The following CAMKMT variants were observed in gnomAD, a reference collection of about 807,000 sequenced individuals.
CAMKMT encodes the protein calmodulin-lysine N-methyltransferase, also known as CaM KMT.
Under a neutral mutation model 48.0 loss-of-function variants are expected in CAMKMT, and 53 were observed. That is an observed-to-expected ratio of 1.10 (90% CI 0.89 to 1.39). CAMKMT has a LOEUF of 1.39. Ranked by LOEUF, CAMKMT falls within the 40% of genes most tolerant of loss-of-function variation. The pLI, the probability that CAMKMT is intolerant of heterozygous loss-of-function variation, is 0.00. For missense variants in CAMKMT, 428 were observed against 402.7 expected, an observed-to-expected ratio of 1.06 and a Z score of -0.54; for synonymous variants, 165 against 152.3, an observed-to-expected ratio of 1.08 and a Z score of -0.61.
chr2:44,674,893 A>AG (rs1380796769), intron 3 of CAMKMT, among the ~76,000 whole-genome samples: 1 of 151,964 alleles, frequency 6.6e-6, no homozygotes, highest in Non-Finnish European at 1.5e-5. Flanking sequence ...AGGAAAAAAA[A>AG]AACACACAAA....
intron 3 of CAMKMT, among the ~76,000 whole-genome samples, chr2:44,637,437 C>G (rs1282294504): frequency 1.3e-5 from 2 of 152,104 alleles, no homozygotes; most frequent in Admixed American, 6.5e-5. Context: ...TAAAGTCAGA[C>G]TTTTCCCCAA....
At chr2:44,600,210 C>T (rs1670901587) in intron 3 of CAMKMT, among the ~76,000 whole-genome samples, 1 of 151,930 alleles carries the variant, frequency 6.6e-6, no homozygotes, top group Non-Finnish European at 1.5e-5. Flanking sequence ...AAAAGAGATT[C>T]TCCTCAGCTT....
rs201540441 is a variant in CAMKMT, at chr2:44,469,800, A to G, written c.376+79495A>G. ...TTTAATTGTATCCTTTTCATCTTCT[A>G]TTACTTTTAAGGTATTATCAGTTAC... is the stretch of plus-strand genomic sequence containing the variant. On this transcript the variant is annotated intron_variant, in intron 3 of 10. Transcript: ENST00000378494. Among the ~76,000 whole-genome samples, 14 of 151,694 alleles carry G rather than the reference A, an allele frequency of 9.2e-5. No individual in the cohort carries two copies. In the South Asian group the frequency reaches 1.5e-3, roughly 16 times the overall value.
chr2:44,526,228 A>G (rs1558678371), intron 3 of CAMKMT, among the ~76,000 whole-genome samples: 1 of 152,216 alleles, frequency 6.6e-6, no homozygotes, highest in African/African-American at 2.4e-5. Flanking sequence ...ATTGAACATA[A>G]TCTGAATAAT....
intron 1 of CAMKMT, among the ~76,000 whole-genome samples, chr2:44,365,129 A>G (rs77838706): frequency 0.024 from 3,685 of 152,322 alleles, 61 homozygotes; most frequent in Non-Finnish European, 0.035. Context: ...CTGGAAAACT[A>G]TAAGGAATCT....
intron 3 of CAMKMT, among the ~76,000 whole-genome samples, chr2:44,592,759 A>G (rs576173688): frequency 6.6e-6 from 1 of 152,130 alleles, no homozygotes; most frequent in Non-Finnish European, 1.5e-5. Context: ...AGGATAAGGG[A>G]GGACTACTGT....
At chr2:44,768,004 C>G (rs1275114202) in intron 10 of CAMKMT, among the ~76,000 whole-genome samples, 3 of 152,192 alleles carry the variant, frequency 2.0e-5, no homozygotes, top group Admixed American at 6.5e-5. Flanking sequence ...TACCCTCCGT[C>G]TCCTCCCTGA....
chr2:44,580,793 C>G (rs757376861), intron 3 of CAMKMT, among the ~76,000 whole-genome samples: 3 of 152,122 alleles, frequency 2.0e-5, no homozygotes, highest in African/African-American at 4.8e-5. Context: ...AATTATCAAA[C>G]TTTTTGTCAT....
At chr2:44,380,073 C>G (rs541638586) in intron 2 of CAMKMT, among the ~76,000 whole-genome samples, 3 of 152,124 alleles carry the variant, frequency 2.0e-5, no homozygotes, top group South Asian at 4.1e-4. Flanking sequence ...TAGTTTCAAC[C>G]TCTTGGCATG....
chr2:44,470,994 C>CTTT (rs11362559), intron 3 of CAMKMT, among the ~76,000 whole-genome samples: 8 of 74,894 alleles, frequency 1.1e-4, no homozygotes, highest in Admixed American at 3.0e-4. Flanking sequence ...CTCTCTCTCT[C>CTTT]TTTTTTTTTT....
chr2:44,416,790 G>T (rs892966085), intron 3 of CAMKMT, among the ~76,000 whole-genome samples: 7 of 151,712 alleles, frequency 4.6e-5, no homozygotes, highest in Non-Finnish European at 8.8e-5. Context: ...GGCCAGGCTG[G>T]TCTCTAACTC....
At chr2:44,451,705 A>G (rs1256384435) in intron 3 of CAMKMT, among the ~76,000 whole-genome samples, 1 of 151,872 alleles carries the variant, frequency 6.6e-6, no homozygotes, top group Non-Finnish European at 1.5e-5. Context: ...TTTTAACAAA[A>G]CTTTCTATTT....
At chr2:44,453,024 G>A (rs1667374164) in intron 3 of CAMKMT, among the ~76,000 whole-genome samples, 1 of 152,010 alleles carries the variant, frequency 6.6e-6, no homozygotes, top group South Asian at 2.1e-4. Context: ...GATTTACTAT[G>A]CTAAAATATC....
intron 3 of CAMKMT, among the ~76,000 whole-genome samples, chr2:44,566,964 G>A (rs1247435210): frequency 6.6e-6 from 1 of 152,180 alleles, no homozygotes; most frequent in South Asian, 2.1e-4. Context: ...AACAGTCGTA[G>A]TAGTAGTAGC....
intron 3 of CAMKMT, among the ~76,000 whole-genome samples, chr2:44,554,011 G>A (rs534287150): frequency 2.0e-5 from 3 of 152,292 alleles, no homozygotes; most frequent in Non-Finnish European, 4.4e-5. Flanking sequence ...AAAGAAGTAT[G>A]GAGACTCTTA....
intron 3 of CAMKMT, among the ~76,000 whole-genome samples, chr2:44,668,044 T>C (rs1675103091): frequency 6.6e-6 from 1 of 152,198 alleles, no homozygotes; most frequent in Non-Finnish European, 1.5e-5. Flanking sequence ...CCATGCTGAG[T>C]GGCTTTGGTT....
At chr2:44,564,364 G>C (rs188725907) in intron 3 of CAMKMT, among the ~76,000 whole-genome samples, 4 of 151,656 alleles carry the variant, frequency 2.6e-5, no homozygotes, top group Non-Finnish European at 5.9e-5. Flanking sequence ...TAATAGAAAC[G>C]GGGTTTCACC....
At chr2:44,520,638 CTA>C (rs1671057798) in intron 3 of CAMKMT, among the ~76,000 whole-genome samples, 1 of 152,172 alleles carries the variant, frequency 6.6e-6, no homozygotes, top group Non-Finnish European at 1.5e-5. Context: ...AAGACTGACT[CTA>C]TTAGTTATTA....
chr2:44,520,515 A>G (rs1671051839), intron 3 of CAMKMT, among the ~76,000 whole-genome samples: 1 of 152,128 alleles, frequency 6.6e-6, no homozygotes, highest in Non-Finnish European at 1.5e-5. Context: ...GCTTTGAGAG[A>G]GGTAATTTCT....
Sources: gnomAD v4.1 joint callset for allele counts (sites outside exome capture counted in the v4.1 genomes callset) on GRCh38, gnomAD v4.1.1 for gene constraint, MANE v1.5 for transcripts, NCBI Gene and HGNC (gene_info 2026-07-23, HGNC 2026-07-21) for gene names.